The following NKAIN2 variants were observed in gnomAD, a reference collection of about 807,000 sequenced individuals.
The protein encoded by NKAIN2 is sodium/potassium transporting ATPase interacting 2.
Under a neutral mutation model 32.6 loss-of-function variants are expected in NKAIN2, and 14 were observed. The observed-to-expected ratio is 0.43, with a 90% CI of 0.28 to 0.67. The LOEUF (loss-of-function observed/expected upper bound fraction) is 0.67. Among genes scored for constraint, NKAIN2 ranks in the 30% least tolerant of loss-of-function variants. The pLI is 0.17. For missense variants in NKAIN2, 198 were observed against 258.3 expected, an observed-to-expected ratio of 0.77 and a Z score of 1.60; for synonymous variants, 80 against 87.2, an observed-to-expected ratio of 0.92 and a Z score of 0.46.
intron 3 of NKAIN2, among the ~76,000 whole-genome samples, chr6:124,583,153 T>C (rs1781583134): frequency 6.6e-6 from 1 of 151,364 alleles, no homozygotes; most frequent in African/African-American, 2.4e-5. Flanking sequence ...GGTGTCCAAA[T>C]TGGAAAGGAA....
intron 3 of NKAIN2, among the ~76,000 whole-genome samples, chr6:124,411,504 T>C (rs1774180969): frequency 6.6e-6 from 1 of 152,216 alleles, no homozygotes; most frequent in Admixed American, 6.5e-5. Context: ...ATGCTGAATA[T>C]TGGCCCCCAG....
intron 1 of NKAIN2, among the ~76,000 whole-genome samples, chr6:124,086,671 C>T (rs538005462): frequency 6.6e-6 from 1 of 152,006 alleles, no homozygotes; most frequent in East Asian, 1.9e-4. Context: ...GAACAATTCT[C>T]TACTCAGAAA....
rs73565646 is a variant in NKAIN2, at chr6:124,281,382, G to C, written c.55-1623G>C. ...TGTAATACTGCCTAATGTCACAAAT[G>C]GGTCTCATTTCTACAAAACGTTAAC... On this transcript the variant is annotated intron_variant, in intron 1 of 6. Coordinates refer to ENST00000368417, the MANE Select transcript of NKAIN2 (RefSeq NM_001040214.3). Among the ~76,000 whole-genome samples, 930 of 152,256 alleles carry C rather than the reference G, an allele frequency of 6.1e-3. 10 individuals carry two copies. The highest frequency in any genetic ancestry group is 0.021 in the African/African-American group (877 of 41,542).
chr6:124,637,364 T>G (rs903404830), intron 3 of NKAIN2, among the ~76,000 whole-genome samples: 1 of 151,868 alleles, frequency 6.6e-6, no homozygotes, highest in African/African-American at 2.4e-5. Context: ...CCTCTCTTAT[T>G]CAATATAGTA....
intron 1 of NKAIN2, among the ~76,000 whole-genome samples, chr6:123,982,908 C>A (rs1245749827): frequency 3.3e-5 from 5 of 152,048 alleles, no homozygotes; most frequent in African/African-American, 1.2e-4. Context: ...GAAAGACACT[C>A]CCTCCTTCCC....
chr6:124,562,337 A>G (rs186240229), intron 3 of NKAIN2, among the ~76,000 whole-genome samples: 8 of 152,342 alleles, frequency 5.3e-5, no homozygotes, highest in African/African-American at 1.9e-4. Context: ...ACTCTCTTAG[A>G]TCAACAGACT....
intron 3 of NKAIN2, among the ~76,000 whole-genome samples, chr6:124,393,579 A>G (rs2114424504): frequency 6.6e-6 from 1 of 152,306 alleles, no homozygotes; most frequent in Non-Finnish European, 1.5e-5. Flanking sequence ...ACGGTTAAAA[A>G]GCATTCTATT....
chr6:124,209,462 T>C (rs1189678029), intron 1 of NKAIN2, among the ~76,000 whole-genome samples: 1 of 151,920 alleles, frequency 6.6e-6, no homozygotes, highest in Non-Finnish European at 1.5e-5. Flanking sequence ...TTGGGATATA[T>C]ACTCAGCATT....
intron 1 of NKAIN2, among the ~76,000 whole-genome samples, chr6:124,048,321 G>A (rs1782240016): frequency 1.3e-5 from 2 of 151,960 alleles, no homozygotes; most frequent in Non-Finnish European, 2.9e-5. Context: ...TTACAGCACT[G>A]AAGTAATCAT....
At chr6:124,229,533 T>TAGATAGATAGAC (rs1298590453) in intron 1 of NKAIN2, among the ~76,000 whole-genome samples, 311 of 149,162 alleles carry the variant, frequency 2.1e-3, no homozygotes, top group East Asian at 6.2e-3. Context: ...GATAGATAGA[T>TAGATAGATAGAC]AGACAGACAG....
chr6:124,015,287 T>C (rs1166087204), intron 1 of NKAIN2, among the ~76,000 whole-genome samples: 2 of 152,196 alleles, frequency 1.3e-5, no homozygotes, highest in African/African-American at 4.8e-5. Flanking sequence ...AGTGAATGTC[T>C]TAGAGATGGG....
intron 4 of NKAIN2, among the ~76,000 whole-genome samples, chr6:124,691,581 C>T (rs561412006): frequency 5.3e-5 from 8 of 152,240 alleles, no homozygotes; most frequent in African/African-American, 1.9e-4. Flanking sequence ...CCACTGGTTC[C>T]CAAATTAATT....
intron 3 of NKAIN2, among the ~76,000 whole-genome samples, chr6:124,492,910 T>C (rs567123738): frequency 2.1e-4 from 32 of 152,074 alleles, no homozygotes; most frequent in African/African-American, 7.7e-4. Flanking sequence ...CAGCACACCA[T>C]GGTAGTCAAG....
chr6:124,012,047 A>G (rs1198685137), intron 1 of NKAIN2, among the ~76,000 whole-genome samples: 2 of 152,192 alleles, frequency 1.3e-5, no homozygotes, highest in Non-Finnish European at 2.9e-5. Context: ...GTAAAAAATT[A>G]TGGAGGAATA....
chr6:124,036,952 T>A (rs9482505), intron 1 of NKAIN2, among the ~76,000 whole-genome samples: 18,900 of 152,076 alleles, frequency 0.12, 3,591 homozygotes, highest in African/African-American at 0.41. Context: ...GTGTATTTGG[T>A]TTATCAAAGC....
intron 3 of NKAIN2, among the ~76,000 whole-genome samples, chr6:124,515,706 G>GCCTTTTCCCTT (rs1778883578): frequency 5.5e-4 from 2 of 3,646 alleles, no homozygotes; most frequent in Non-Finnish European, 0.013. Flanking sequence ...ATTTTTCTTC[G>GCCTTTTCCCTT]CTTTCTCTCC....
chr6:124,449,264 T>A (rs1776008785), intron 3 of NKAIN2, among the ~76,000 whole-genome samples: 1 of 152,112 alleles, frequency 6.6e-6, no homozygotes, highest in Non-Finnish European at 1.5e-5. Flanking sequence ...TAATCTGACA[T>A]CAATATTTTT....
intron 3 of NKAIN2, among the ~76,000 whole-genome samples, chr6:124,538,240 TA>T (rs1026449802): frequency 2.0e-4 from 31 of 152,228 alleles, no homozygotes; most frequent in African/African-American, 6.7e-4. Context: ...TTATTATTAT[TA>T]TTTTTTTTGG....
rs1054415661 is a variant in NKAIN2, at chr6:124,821,722, G to A, written c.618-1498G>A. Among the ~76,000 whole-genome samples the A allele has an allele frequency of 3.3e-5, 5 of 152,272 alleles. No homozygotes were observed. In the South Asian group the frequency reaches 8.3e-4, roughly 25 times the overall value. Reference sequence around the variant, plus strand: ...CTCACTGGTCATGAAATAAGTAAATGTTTAATGGAATTCAAATTTAGGAAG... The same window carrying A: ...CTCACTGGTCATGAAATAAGTAAATATTTAATGGAATTCAAATTTAGGAAG... On this transcript the variant is annotated intron_variant, in intron 6 of 6. Coordinates refer to ENST00000368417, the MANE Select transcript of NKAIN2 (RefSeq NM_001040214.3).
Sources: allele counts gnomAD v4.1 joint callset (sites outside exome capture counted in the v4.1 genomes callset), GRCh38; gene constraint gnomAD v4.1.1; transcripts MANE v1.5; gene names NCBI Gene and HGNC (gene_info 2026-07-23, HGNC 2026-07-21).